Variants in PCMTD1 observed in about 807,000 individuals in gnomAD.
The protein encoded by PCMTD1 is protein-L-isoaspartate (D-aspartate) O-methyltransferase domain containing 1.
A neutral mutation model predicts 37.6 loss-of-function variants in PCMTD1; 12 were observed. The observed-to-expected ratio is 0.32, with a 90% CI of 0.20 to 0.52. The LOEUF (loss-of-function observed/expected upper bound fraction) is 0.52. Ranked by LOEUF, PCMTD1 falls within the 20% of genes least tolerant of loss-of-function variation. The pLI is 0.97. For missense variants in PCMTD1, 235 were observed against 421.3 expected (o/e 0.56, Z 3.87); for synonymous variants, 117 against 135.8 (o/e 0.86, Z 0.96).
chr8:51,831,336 T>G, intron 5 of PCMTD1, 108 bp downstream of exon 5: 1 of 1,126,240 alleles, frequency 8.9e-7, no homozygotes, highest in Non-Finnish European at 1.2e-6. Flanking sequence ...CCAAATATCT[T>G]ACTGCATAAG....
At chr8:51,896,787 G>T (rs191975112) in intron 1 of PCMTD1, among the ~76,000 whole-genome samples, 3 of 151,578 alleles carry the variant, frequency 2.0e-5, no homozygotes, top group Non-Finnish European at 1.5e-5. Context: ...AGAAAAAACC[G>T]TAAGGGCAAC....
chr8:51,849,637 A>G (rs2038275723), intron 2 of PCMTD1: 1 of 154,522 alleles, frequency 6.5e-6, no homozygotes, highest in African/African-American at 2.4e-5. Flanking sequence ...ACAATAACAA[A>G]TATAGTAAAA....
At chr8:51,867,764 T>TCC (rs2038578631) in intron 1 of PCMTD1, among the ~76,000 whole-genome samples, 1 of 151,938 alleles carries the variant, frequency 6.6e-6, no homozygotes, top group African/African-American at 2.4e-5. Flanking sequence ...CTAAAATGGT[T>TCC]AAACTTACAA....
intron 2 of PCMTD1, among the ~76,000 whole-genome samples, chr8:51,859,421 G>A (rs934043524): frequency 1.3e-5 from 2 of 152,054 alleles, no homozygotes; most frequent in Non-Finnish European, 2.9e-5. Flanking sequence ...TTAAATGTAA[G>A]CTTCTAGATT....
intron 1 of PCMTD1, among the ~76,000 whole-genome samples, chr8:51,864,104 G>A (rs75248570): frequency 0.025 from 3,774 of 152,048 alleles, 161 homozygotes; most frequent in African/African-American, 0.085. Context: ...AAGAGAGCAC[G>A]GATGACTATA....
intron 1 of PCMTD1, among the ~76,000 whole-genome samples, chr8:51,894,148 G>A (rs1010656721): frequency 2.6e-4 from 40 of 151,924 alleles, no homozygotes; most frequent in Non-Finnish European, 8.8e-5. Flanking sequence ...CTTTTACATG[G>A]AAGACTTCTA....
At chr8:51,863,382 C>G (rs925762) in intron 1 of PCMTD1, among the ~76,000 whole-genome samples, 77,203 of 152,144 alleles carry the variant, frequency 0.51, 23,695 homozygotes, top group Non-Finnish European at 0.68. Flanking sequence ...TACCACATAG[C>G]TCACATTTTT....
At chr8:51,856,337 C>T (rs758964149) in intron 2 of PCMTD1, among the ~76,000 whole-genome samples, 11 of 152,094 alleles carry the variant, frequency 7.2e-5, no homozygotes, top group South Asian at 2.1e-4. Flanking sequence ...TCCACTAACA[C>T]GGCTTTTTAA....
chr8:51,892,108 A>T (rs2038944371), intron 1 of PCMTD1, among the ~76,000 whole-genome samples: 1 of 152,214 alleles, frequency 6.6e-6, no homozygotes, highest in Admixed American at 6.5e-5. Context: ...TAGTAATTTA[A>T]ATCTTATTTC....
At position 51,842,014 on chromosome 8, in the gene PCMTD1, A is replaced by G. The variant is rs181064447; in HGVS notation, c.410+3647T>C. Among the ~76,000 whole-genome samples the G allele has an allele frequency of 5.8e-5, 8 of 138,608 alleles. No homozygotes were observed. In the East Asian group the frequency reaches 1.7e-3, roughly 29 times the overall value. The allele number at this position is 138,608 out of a possible 152,430, so 90.9% of individuals were successfully genotyped here. A position where few individuals can be genotyped will look rare whatever the true frequency, so the allele number is the denominator to read the frequency against. On this transcript the variant is annotated intron_variant, in intron 3 of 5. Transcript: ENST00000522514. ...AGAGACCATCTAGCTTAGCAAGCCT[A>G]AAAGATTTACTAACTGGGATTTGTG...
intron 5 of PCMTD1, among the ~76,000 whole-genome samples, chr8:51,830,685 G>T (rs1259716468): frequency 6.6e-6 from 1 of 152,068 alleles, no homozygotes; most frequent in Non-Finnish European, 1.5e-5. Context: ...GCCTGATCTG[G>T]GAATGACCAA....
intron 1 of PCMTD1, among the ~76,000 whole-genome samples, chr8:51,887,277 A>G (rs534705544): frequency 6.6e-6 from 1 of 152,232 alleles, no homozygotes; most frequent in South Asian, 2.1e-4. Context: ...ACACTACCCA[A>G]ACTTTGACTC....
At chr8:51,838,103 A>G (rs2038093792) in intron 3 of PCMTD1, among the ~76,000 whole-genome samples, 2 of 152,198 alleles carry the variant, frequency 1.3e-5, no homozygotes, top group African/African-American at 4.8e-5. Context: ...TTACTTTTAT[A>G]CAGCATTTCA....
intron 1 of PCMTD1, among the ~76,000 whole-genome samples, chr8:51,869,113 T>C (rs976337170): frequency 1.8e-4 from 27 of 152,186 alleles, no homozygotes; most frequent in Non-Finnish European, 1.5e-4. Context: ...AATATTAGAA[T>C]TGATTATAAT....
intron 1 of PCMTD1, among the ~76,000 whole-genome samples, chr8:51,863,807 G>C (rs1228106313): frequency 6.6e-6 from 1 of 151,898 alleles, no homozygotes; most frequent in Non-Finnish European, 1.5e-5. Flanking sequence ...CACAGCTGTA[G>C]TCCCAGCTAC....
At chr8:51,873,565 A>C (rs1350355101) in intron 1 of PCMTD1, among the ~76,000 whole-genome samples, 1 of 152,134 alleles carries the variant, frequency 6.6e-6, no homozygotes, top group Non-Finnish European at 1.5e-5. Flanking sequence ...GTCACATCCC[A>C]AATCCCATGT....
intron 5 of PCMTD1, among the ~76,000 whole-genome samples, chr8:51,828,449 G>C (rs574681188): frequency 6.6e-6 from 1 of 152,226 alleles, no homozygotes; most frequent in African/African-American, 2.4e-5. Context: ...GATAGTCCCT[G>C]ACTTATAATG....
At chr8:51,855,063 A>T (rs1430874763) in intron 2 of PCMTD1, among the ~76,000 whole-genome samples, 1 of 151,708 alleles carries the variant, frequency 6.6e-6, no homozygotes, top group African/African-American at 2.4e-5. Flanking sequence ...AATCCCAGCT[A>T]CTAGGGAGGC....
chr8:51,868,866 A>ATAGC (rs2129289115), intron 1 of PCMTD1, among the ~76,000 whole-genome samples: 1 of 152,312 alleles, frequency 6.6e-6, no homozygotes, highest in African/African-American at 2.4e-5. Flanking sequence ...AATTTTCATA[A>ATAGC]TGCTAGCATT....
Sources: allele counts gnomAD v4.1 joint callset (sites outside exome capture counted in the v4.1 genomes callset), GRCh38; gene constraint gnomAD v4.1.1; transcripts MANE v1.5; gene names NCBI Gene and HGNC (gene_info 2026-07-23, HGNC 2026-07-21).